GRM1: variants seen among roughly 807,000 people sequenced by gnomAD.
GRM1 encodes metabotropic glutamate receptor 1.
GRM1 carries 33 observed loss-of-function variants against 90.9 expected under a neutral mutation model. The observed-to-expected ratio is 0.36, with a 90% confidence interval of 0.28 to 0.49. The LOEUF is 0.49. Ranked by LOEUF, GRM1 falls within the 20% of genes least tolerant of loss-of-function variation. The pLI, the probability that GRM1 is intolerant of heterozygous loss-of-function variation, is 0.99. For synonymous variants in GRM1, 700 were observed against 613.2 expected (o/e 1.14, Z -2.09); for missense variants, 1,190 against 1,534.3 (o/e 0.78, Z 3.75).
chr6:146,102,802 T>G (rs2128870994), intron 1 of GRM1, among the ~76,000 whole-genome samples: 1 of 152,334 alleles, frequency 6.6e-6, no homozygotes, highest in South Asian at 2.1e-4. Flanking sequence ...TTCAACACTT[T>G]TAGGTGTCTA....
At chr6:146,406,399 C>G (rs1172367393) in intron 7 of GRM1, among the ~76,000 whole-genome samples, 1 of 152,054 alleles carries the variant, frequency 6.6e-6, no homozygotes, top group Non-Finnish European at 1.5e-5. Context: ...TTTATTGGGC[C>G]TCTGGACTTA....
intron 6 of GRM1, 45 bp from the exon 7 acceptor site, chr6:146,398,724 A>G (rs376461129): frequency 3.9e-5 from 51 of 1,311,390 alleles, no homozygotes; most frequent in Non-Finnish European, 5.3e-5. Context: ...TGTTATTCCT[A>G]GCAGAAACCT....
At chr6:146,116,957 A>G (rs572969061) in intron 1 of GRM1, among the ~76,000 whole-genome samples, 3 of 151,898 alleles carry the variant, frequency 2.0e-5, no homozygotes, top group African/African-American at 2.4e-5. Flanking sequence ...TTTATTTCCA[A>G]TGTGGTTTAC....
chr6:146,345,242 A>G (rs1785138787), intron 3 of GRM1, among the ~76,000 whole-genome samples: 3 of 152,372 alleles, frequency 2.0e-5, no homozygotes. Context: ...TCTACTTGGC[A>G]TATTAATTCT....
chr6:146,124,216 G>C (rs377577434), intron 1 of GRM1, among the ~76,000 whole-genome samples: 8 of 152,050 alleles, frequency 5.3e-5, no homozygotes, highest in African/African-American at 1.9e-4. Context: ...TTCCAAAATC[G>C]TACTTTTCCA....
intron 2 of GRM1, 35 bp downstream of exon 2, chr6:146,159,632 CT>C: frequency 6.5e-7 from 1 of 1,547,824 alleles, no homozygotes; most frequent in Non-Finnish European, 8.8e-7. Flanking sequence ...CTCTCTCTCT[CT>C]CTCTCTCTCA....
At chr6:146,135,188 G>A (rs1265621359) in intron 1 of GRM1, among the ~76,000 whole-genome samples, 1 of 152,070 alleles carries the variant, frequency 6.6e-6, no homozygotes, top group African/African-American at 2.4e-5. Flanking sequence ...TATAGGTGAG[G>A]GAGCCAAAGC....
At position 146,399,702 on chromosome 6, in the gene GRM1, G is replaced by A. The variant is rs1000883682; in HGVS notation, c.2660+3G>A. 1.3e-6 allele frequency: 2 copies of A among 1,588,530 alleles called. No individual in the cohort carries two copies. Among genetic ancestry groups the A allele is most frequent in the African/African-American group, 1.3e-5 (1 of 74,560 alleles). The stretch of plus-strand genomic sequence containing the variant: ...AAGGCAGGGGCAGGGAATGCCAAGT[G>A]AGTTATCTGACCTGTTTGTCTCTCT... On this transcript the variant is annotated splice_donor_region_variant and intron_variant, in intron 7 of 7. Transcript: ENST00000282753. This position sits in a 1 kb window ranked among gnomAD's most constrained non-coding sequence, Gnocchi z 5.4.
intron 1 of GRM1, among the ~76,000 whole-genome samples, chr6:146,118,140 C>CTTTTTTTTTTTTTTTTTTTTTTTTTT (rs67033918): frequency 8.7e-6 from 1 of 115,456 alleles, no homozygotes; most frequent in African/African-American, 3.3e-5. Flanking sequence ...TTCTTCTTTT[C>CTTTTTTTTTTTTTTTTTTTTTTTTTT]TTTTTTTTTT....
intron 7 of GRM1, among the ~76,000 whole-genome samples, chr6:146,427,035 A>C (rs903100923): frequency 2.0e-5 from 3 of 151,996 alleles, no homozygotes; most frequent in Admixed American, 2.0e-4. Flanking sequence ...AAATGTTTGA[A>C]ATGATGCTGT....
chr6:146,183,294 C>A (rs1778614197), intron 2 of GRM1, among the ~76,000 whole-genome samples: 1 of 152,168 alleles, frequency 6.6e-6, no homozygotes, highest in Admixed American at 6.5e-5. Flanking sequence ...CCACATTTAG[C>A]TCCATGAGAG....
At chr6:146,402,876 G>A (rs1207858918) in intron 7 of GRM1, among the ~76,000 whole-genome samples, 1 of 152,014 alleles carries the variant, frequency 6.6e-6, no homozygotes, top group African/African-American at 2.4e-5. Flanking sequence ...TACATTTTCT[G>A]GAATATAATA....
chr6:146,304,534 A>G (rs907153315), intron 2 of GRM1, 77 bp from the exon 3 acceptor site: 24 of 983,126 alleles, frequency 2.4e-5, no homozygotes, highest in Non-Finnish European at 3.5e-5. Flanking sequence ...GGATTGCTTC[A>G]TTCATATATA....
At chr6:146,339,777 G>T (rs1784905193) in intron 3 of GRM1, among the ~76,000 whole-genome samples, 2 of 152,214 alleles carry the variant, frequency 1.3e-5, no homozygotes, top group South Asian at 4.1e-4. Context: ...AATAGGGGAA[G>T]TGCTGTGCTG....
intron 3 of GRM1, among the ~76,000 whole-genome samples, chr6:146,339,228 T>C (rs1784885788): frequency 1.3e-5 from 2 of 152,218 alleles, no homozygotes; most frequent in African/African-American, 4.8e-5. Flanking sequence ...GCTGACATTT[T>C]CATCCCATCA....
At chr6:146,430,173 A>G (rs905190104) in intron 7 of GRM1, among the ~76,000 whole-genome samples, 6 of 152,218 alleles carry the variant, frequency 3.9e-5, no homozygotes, top group Non-Finnish European at 8.8e-5. Context: ...ACTCTCAACT[A>G]TTCTCTAAAG....
chr6:146,063,752 C>A (rs945482807), intron 1 of GRM1, among the ~76,000 whole-genome samples: 6 of 151,986 alleles, frequency 3.9e-5, no homozygotes, highest in African/African-American at 7.3e-5. Context: ...TTAATATCAA[C>A]ATTATGAATC....
chr6:146,401,604 A>G (rs751727653), intron 7 of GRM1, among the ~76,000 whole-genome samples: 1 of 152,192 alleles, frequency 6.6e-6, no homozygotes, highest in African/African-American at 2.4e-5. Flanking sequence ...TGAGGGCTCC[A>G]TTACAACATC....
chr6:146,329,644 A>G (rs1288525057), intron 3 of GRM1, among the ~76,000 whole-genome samples: 1 of 152,188 alleles, frequency 6.6e-6, no homozygotes, highest in Non-Finnish European at 1.5e-5. Flanking sequence ...TTGACTTATG[A>G]TGGTATTACA....
Sources: gnomAD v4.1 joint callset for allele counts (sites outside exome capture counted in the v4.1 genomes callset) on GRCh38, gnomAD v4.1.1 for gene constraint, Gnocchi (gnomAD v3.1) non-coding constraint, MANE v1.5 for transcripts, NCBI Gene and HGNC (gene_info 2026-07-23, HGNC 2026-07-21) for gene names.